The following C2CD5 variants were observed in gnomAD, a reference collection of about 807,000 sequenced individuals.
C2CD5 encodes the protein C2 domain-containing protein 5.
Under a neutral mutation model 130.3 loss-of-function variants are expected in C2CD5, and 109 were observed. That is an observed-to-expected ratio of 0.84 (90% CI 0.72 to 0.98). The LOEUF is 0.98. C2CD5 is among the 50% of genes least tolerant of loss of function. The pLI, the probability that C2CD5 is intolerant of heterozygous loss-of-function variation, is 0.00. For missense variants in C2CD5, 996 were observed against 1,261.8 expected, an observed-to-expected ratio of 0.79 and a Z score of 3.19; for synonymous variants, 454 against 429.2, an observed-to-expected ratio of 1.06 and a Z score of -0.71.
intron 7 of C2CD5, among the ~76,000 whole-genome samples, chr12:22,520,371 T>G (rs1306648747): frequency 6.6e-6 from 1 of 152,174 alleles, no homozygotes; most frequent in East Asian, 1.9e-4. Flanking sequence ...ATTCACAATT[T>G]GTCAAGGTTC....
chr12:22,476,440 G>GA (rs1225104490), intron 15 of C2CD5, among the ~76,000 whole-genome samples: 1 of 152,064 alleles, frequency 6.6e-6, no homozygotes, highest in Non-Finnish European at 1.5e-5. Context: ...GTACTGTTGT[G>GA]AAAATACAGT....
chr12:22,463,337 C>A (rs910245241), intron 22 of C2CD5: 2 of 151,878 alleles, frequency 1.3e-5, no homozygotes, highest in African/African-American at 4.8e-5. Context: ...GTTGCAGTGA[C>A]CCAAGATCGT....
intron 23 of C2CD5, among the ~76,000 whole-genome samples, chr12:22,459,286 GA>G (rs1940611301): frequency 1.3e-5 from 2 of 151,398 alleles, no homozygotes; most frequent in African/African-American, 4.9e-5. Flanking sequence ...TAGAAACTGG[GA>G]AACCATTAAC....
At chr12:22,471,334 A>G in intron 20 of C2CD5, 65 bp downstream of exon 20, 2 of 897,844 alleles carry the variant, frequency 2.2e-6, no homozygotes, top group Non-Finnish European at 3.5e-6. Context: ...AAATTATGAT[A>G]AACAGATAAT....
At chr12:22,455,737 T>G (rs1939709151) in intron 25 of C2CD5, among the ~76,000 whole-genome samples, 1 of 152,064 alleles carries the variant, frequency 6.6e-6, no homozygotes, top group South Asian at 2.1e-4. Flanking sequence ...CAGGCTGGAG[T>G]GCAATGGCGC....
At chr12:22,466,378 AGT>A (rs1565660115) in intron 22 of C2CD5, among the ~76,000 whole-genome samples, 1 of 151,938 alleles carries the variant, frequency 6.6e-6, no homozygotes, top group East Asian at 1.9e-4. Flanking sequence ...TATCAGTATT[AGT>A]AACTGACTTT....
chr12:22,489,601 G>C (rs1330307134), intron 12 of C2CD5, among the ~76,000 whole-genome samples: 1 of 152,032 alleles, frequency 6.6e-6, no homozygotes, highest in Non-Finnish European at 1.5e-5. Context: ...TTTTATATAA[G>C]GGACTTGAGC....
At chr12:22,478,172 A>C (rs1944146252) in intron 15 of C2CD5, 141 bp downstream of exon 15, 2 of 676,518 alleles carry the variant, frequency 3.0e-6, no homozygotes, top group Admixed American at 4.7e-5. Flanking sequence ...AGTTGAGCAA[A>C]GACATAAAGG....
At chr12:22,473,249 T>A (rs1943327188) in intron 16 of C2CD5, among the ~76,000 whole-genome samples, 1 of 152,152 alleles carries the variant, frequency 6.6e-6, no homozygotes, top group Admixed American at 6.6e-5. Context: ...AGGTCTAAAT[T>A]CTATTCTTCT....
Position 22,449,561 on chromosome 12 carries a change from C to G in C2CD5, c.*199G>C. ...AACTTACTGAAGGGTCAAGACCCCACAGGGCCTGTCTAGAACAGGCAAACA... is the reference window on the plus strand; with the variant it reads ...AACTTACTGAAGGGTCAAGACCCCAGAGGGCCTGTCTAGAACAGGCAAACA... On this transcript the variant is annotated 3_prime_UTR_variant, in exon 27 of 27. Transcript: ENST00000446597. 2 of 449,610 alleles carry G rather than the reference C, an allele frequency of 4.4e-6. No homozygotes were observed. The highest frequency in any genetic ancestry group is 8.0e-6 in the Non-Finnish European group (2 of 249,142). The allele number at this position is 449,610 out of a possible 1,614,324, so 27.9% of individuals were successfully genotyped here. A position where few individuals can be genotyped will look rare whatever the true frequency, so the allele number is the denominator to read the frequency against.
chr12:22,459,204 C>G (rs182462440), intron 23 of C2CD5, among the ~76,000 whole-genome samples: 5 of 152,078 alleles, frequency 3.3e-5, no homozygotes, highest in Admixed American at 3.3e-4. Context: ...CACAAGTTCC[C>G]CCTTTTAAAA....
intron 26 of C2CD5, among the ~76,000 whole-genome samples, chr12:22,453,619 A>G (rs568076626): frequency 6.6e-6 from 1 of 152,290 alleles, no homozygotes; most frequent in East Asian, 1.9e-4. Context: ...ACTGTATTCT[A>G]AACACCTACC....
chr12:22,478,485 A>G lies in C2CD5; in HGVS notation c.1738-8T>C. ...ATACACACCTGTGGCAGACTTGTAAAAAATAATGGGGAAATAATCAGAAAA... is the reference window on the plus strand; with the variant it reads ...ATACACACCTGTGGCAGACTTGTAAGAAATAATGGGGAAATAATCAGAAAA... On this transcript the variant is annotated splice_region_variant and splice_polypyrimidine_tract_variant and intron_variant, in intron 14 of 26. Coordinates refer to ENST00000446597, the MANE Select transcript of C2CD5 (RefSeq NM_001286176.2). The G allele has an allele frequency of 6.2e-7, 1 of 1,609,618 alleles. No homozygotes were observed. The highest frequency in any genetic ancestry group is 8.5e-7 in the Non-Finnish European group (1 of 1,177,058).
rs771313820 is a variant in C2CD5, at chr12:22,449,404, A to G, written c.*356T>C. The G allele has an allele frequency of 4.3e-5, 7 of 162,902 alleles. No homozygotes were observed. Among genetic ancestry groups the G allele is most frequent in the Non-Finnish European group, 9.4e-5 (7 of 74,758 alleles). The allele number at this position is 162,902 out of a possible 1,614,324, so 10.1% of individuals were successfully genotyped here. A position where few individuals can be genotyped will look rare whatever the true frequency, so the allele number is the denominator to read the frequency against. ...GGAGAATCTCTTGCTTAGTTTTTCT[A>G]AATTATACTAGAGTAGCTATCCTAA... is the stretch of plus-strand genomic sequence containing the variant. On this transcript the variant is annotated 3_prime_UTR_variant, in exon 27 of 27. Coordinates refer to ENST00000446597, the MANE Select transcript of C2CD5 (RefSeq NM_001286176.2).
intron 7 of C2CD5, chr12:22,518,991 C>T (rs1390362682): frequency 3.8e-6 from 3 of 787,296 alleles, no homozygotes; most frequent in Non-Finnish European, 3.8e-6. Flanking sequence ...AGCTGGACTT[C>T]GAGTAAGAAA....
chr12:22,479,931 G>A (rs1216693591), intron 14 of C2CD5, among the ~76,000 whole-genome samples: 1 of 152,078 alleles, frequency 6.6e-6, no homozygotes, highest in Non-Finnish European at 1.5e-5. Flanking sequence ...CTAGATATTT[G>A]TTATTATTAT....
chr12:22,515,129 C>T (rs1400703346), intron 8 of C2CD5: 1 of 984,998 alleles, frequency 1.0e-6, no homozygotes, highest in African/African-American at 1.7e-5. Flanking sequence ...CAGGTAAATC[C>T]TAGGTCCCTG....
chr12:22,454,244 C>CCTTTACTTTACATGCCAG (rs1158167901), intron 25 of C2CD5, among the ~76,000 whole-genome samples: 9 of 152,240 alleles, frequency 5.9e-5, no homozygotes, highest in Admixed American at 3.9e-4. Flanking sequence ...GGATTTACTA[C>CCTTTACTTTACATGCCAG]CTTTACTTTA....
chr12:22,535,097 C>G, intron 3 of C2CD5, 161 bp downstream of exon 3: 1 of 604,330 alleles, frequency 1.7e-6, no homozygotes, highest in Non-Finnish European at 2.9e-6. Flanking sequence ...AAATGTAATA[C>G]AACTTTTTTT....
Sources: allele counts gnomAD v4.1 joint callset (sites outside exome capture counted in the v4.1 genomes callset), GRCh38; gene constraint gnomAD v4.1.1; transcripts MANE v1.5; gene names NCBI Gene and HGNC (gene_info 2026-07-23, HGNC 2026-07-21).